Variants in DOCK4 observed in about 807,000 individuals in gnomAD.
DOCK4 encodes the protein dedicator of cytokinesis 4.
DOCK4 carries 97 observed loss-of-function variants against 268.1 expected under a neutral mutation model. The observed-to-expected ratio is 0.36, with a 90% confidence interval of 0.31 to 0.43. The LOEUF (loss-of-function observed/expected upper bound fraction) is 0.43. Among genes scored for constraint, DOCK4 ranks in the 20% least tolerant of loss-of-function variants. The pLI, the probability that DOCK4 is intolerant of heterozygous loss-of-function variation, is 1.00. For missense variants in DOCK4, 2,145 were observed against 2,455.7 expected (o/e 0.87, Z 2.67); for synonymous variants, 954 against 887.2 (o/e 1.08, Z -1.34).
chr7:112,124,553 C>T (rs187193952), intron 1 of DOCK4, among the ~76,000 whole-genome samples: 15 of 152,278 alleles, frequency 9.9e-5, no homozygotes, highest in Admixed American at 2.0e-4. Context: ...CAGGAAAGAA[C>T]ACAGCTTAGA....
intron 42 of DOCK4, among the ~76,000 whole-genome samples, chr7:111,748,155 C>A (rs1263621310): frequency 6.6e-6 from 1 of 152,092 alleles, no homozygotes; most frequent in East Asian, 1.9e-4. Context: ...AGAAGGTCTG[C>A]CAAGCTCTCA....
intron 16 of DOCK4, among the ~76,000 whole-genome samples, chr7:111,895,169 T>TAA (rs1562856351): frequency 1.3e-5 from 2 of 152,184 alleles, no homozygotes; most frequent in Non-Finnish European, 2.9e-5. Flanking sequence ...TAAGAACTGC[T>TAA]AAAGTTGTCA....
At chr7:111,791,057 CA>C (rs1167180937) in intron 30 of DOCK4, among the ~76,000 whole-genome samples, 2,414 of 62,744 alleles carry the variant, frequency 0.038, 132 homozygotes, top group African/African-American at 0.16. Flanking sequence ...GACTCTGTCT[CA>C]AAAAAAAAAA....
chr7:112,195,005 G>A (rs1820291928), intron 1 of DOCK4, among the ~76,000 whole-genome samples: 2 of 152,182 alleles, frequency 1.3e-5, no homozygotes, highest in South Asian at 2.1e-4. Context: ...GAGGCTGGGC[G>A]CAGTGGCTCA....
chr7:112,057,136 G>A (rs1805888758), intron 1 of DOCK4, among the ~76,000 whole-genome samples: 1 of 152,052 alleles, frequency 6.6e-6, no homozygotes. Flanking sequence ...CATATTTGCT[G>A]GGCAAGGTAG....
At chr7:111,881,920 C>T (rs1248743873) in intron 16 of DOCK4, among the ~76,000 whole-genome samples, 1 of 152,038 alleles carries the variant, frequency 6.6e-6, no homozygotes, top group Non-Finnish European at 1.5e-5. Flanking sequence ...GGATGGTTAC[C>T]AGTGGCTGGG....
rs141915341 is a variant in DOCK4, at chr7:111,731,341, A to C, written c.5481+885T>G. ...ATGCACTGGATCGCAACCTGCCCCT[A>C]TGTGTTTGTAGAGGCTAATTTGTCT... On this transcript the variant is annotated intron_variant, in intron 52 of 52. Coordinates refer to ENST00000428084, the MANE Select transcript of DOCK4 (RefSeq NM_001363540.2). Among the ~76,000 whole-genome samples, 8 of 152,294 alleles carry C rather than the reference A, an allele frequency of 5.3e-5. No homozygotes were observed. In the East Asian group the frequency reaches 1.5e-3, roughly 29 times the overall value.
At chr7:111,855,083 G>A (rs141076373) in intron 23 of DOCK4, among the ~76,000 whole-genome samples, 70 of 152,312 alleles carry the variant, frequency 4.6e-4, no homozygotes, top group African/African-American at 1.6e-3. Context: ...ACAGAGAAAA[G>A]TAGCAAGGAG....
chr7:112,045,942 T>A (rs1292428930), intron 1 of DOCK4, among the ~76,000 whole-genome samples: 2 of 152,208 alleles, frequency 1.3e-5, no homozygotes, highest in Non-Finnish European at 2.9e-5. Flanking sequence ...AAAATGACAG[T>A]ACATTTTTAA....
At chr7:112,163,236 C>T (rs148228065) in intron 1 of DOCK4, among the ~76,000 whole-genome samples, 11 of 152,272 alleles carry the variant, frequency 7.2e-5, no homozygotes, top group East Asian at 5.8e-4. Context: ...ACCACTCTGA[C>T]GTGGCCTAAC....
At chr7:112,184,787 T>TC (rs34085798) in intron 1 of DOCK4, among the ~76,000 whole-genome samples, 49 of 146,384 alleles carry the variant, frequency 3.3e-4, no homozygotes, top group South Asian at 1.1e-3. Flanking sequence ...ACCCCTACAA[T>TC]CCCCCCCCCT....
intron 1 of DOCK4, among the ~76,000 whole-genome samples, chr7:112,171,324 G>A (rs1415177997): frequency 6.6e-6 from 1 of 152,034 alleles, no homozygotes; most frequent in Non-Finnish European, 1.5e-5. Flanking sequence ...CTATTGAAAG[G>A]AAAAGCAATA....
At chr7:112,164,991 GTTAATA>G (rs1050953486) in intron 1 of DOCK4, among the ~76,000 whole-genome samples, 29 of 152,138 alleles carry the variant, frequency 1.9e-4, no homozygotes, top group African/African-American at 5.6e-4. Context: ...AAACTGCCTA[GTTAATA>G]TTAATATTAT....
intron 1 of DOCK4, among the ~76,000 whole-genome samples, chr7:112,035,461 C>G (rs552701129): frequency 3.3e-5 from 5 of 152,038 alleles, no homozygotes; most frequent in Admixed American, 3.3e-4. Flanking sequence ...AAACAAGGAC[C>G]AAAGACTAGA....
At chr7:112,131,082 T>C (rs1432864765) in intron 1 of DOCK4, among the ~76,000 whole-genome samples, 1 of 152,144 alleles carries the variant, frequency 6.6e-6, no homozygotes, top group African/African-American at 2.4e-5. Flanking sequence ...CCGTATGCCA[T>C]AAATATGTCT....
intron 1 of DOCK4, among the ~76,000 whole-genome samples, chr7:112,200,183 C>G (rs1587043526): frequency 6.6e-6 from 1 of 152,050 alleles, no homozygotes; most frequent in African/African-American, 2.4e-5. Flanking sequence ...GACCCATTAA[C>G]AAGTCAATTT....
At chr7:111,738,112 T>C (rs1334476568) in intron 49 of DOCK4, among the ~76,000 whole-genome samples, 1 of 152,130 alleles carries the variant, frequency 6.6e-6, no homozygotes, top group African/African-American at 2.4e-5. Context: ...TCCCAAATCT[T>C]TAAAACTCAG....
chr7:111,952,963 C>T (rs1045617942), intron 8 of DOCK4, among the ~76,000 whole-genome samples: 3 of 152,124 alleles, frequency 2.0e-5, no homozygotes, highest in Non-Finnish European at 4.4e-5. Context: ...CAGTGACTCA[C>T]GCCTGAAATC....
At chr7:111,993,737 TACTA>T (rs545389422) in intron 5 of DOCK4, among the ~76,000 whole-genome samples, 33 of 152,218 alleles carry the variant, frequency 2.2e-4, no homozygotes, top group Non-Finnish European at 3.8e-4. Context: ...TTCTCATTGA[TACTA>T]GCTAAGAAGT....
Sources: gnomAD v4.1 joint callset for allele counts (sites outside exome capture counted in the v4.1 genomes callset) on GRCh38, gnomAD v4.1.1 for gene constraint, MANE v1.5 for transcripts, NCBI Gene and HGNC (gene_info 2026-07-23, HGNC 2026-07-21) for gene names.